STX2: variants seen among roughly 807,000 people sequenced by gnomAD.
STX2 encodes the protein syntaxin-2.
In STX2, 27 loss-of-function variants were observed where a neutral mutation model predicts 40.6. That is an observed-to-expected ratio of 0.66 (90% CI 0.49 to 0.92). The LOEUF (loss-of-function observed/expected upper bound fraction) is 0.92, where lower values mean the gene tolerates loss of function less well. Ranked by LOEUF, STX2 falls within the 40% of genes least tolerant of loss-of-function variation. The pLI is 0.00. For missense variants in STX2, 328 were observed against 366.1 expected (o/e 0.90, Z 0.85); for synonymous variants, 123 against 119.1 (o/e 1.03, Z -0.22).
chr12:130,821,682 AACTT>A lies in STX2; in HGVS notation c.205+3_205+6del. ...CAAACGTTTTGTTGTGAAAACCAAC[AACTT>A]ACTTCCTTCCGGGTTTGGTGCAGAA... On this transcript the variant is annotated splice_donor_5th_base_variant and intron_variant, in intron 3 of 10. Coordinates refer to ENST00000392373, the MANE Select transcript of STX2 (RefSeq NM_194356.4). The A allele has an allele frequency of 6.2e-7, 1 of 1,612,116 alleles. No homozygotes were observed. The highest frequency in any genetic ancestry group is 8.5e-7 in the Non-Finnish European group (1 of 1,178,154).
intron 3 of STX2, among the ~76,000 whole-genome samples, chr12:130,816,413 C>T (rs553919100): frequency 1.3e-5 from 2 of 152,294 alleles, no homozygotes; most frequent in South Asian, 4.1e-4. Flanking sequence ...CACTACAGGC[C>T]CACGGGGCTT....
chr12:130,815,352 C>T (rs1373370965), intron 3 of STX2, among the ~76,000 whole-genome samples: 1 of 152,188 alleles, frequency 6.6e-6, no homozygotes, highest in Non-Finnish European at 1.5e-5. Context: ...AACTGGCCTC[C>T]ATCCTCCTGT....
At chr12:130,805,551 A>G (rs1389408642) in intron 6 of STX2, among the ~76,000 whole-genome samples, 1 of 152,192 alleles carries the variant, frequency 6.6e-6, no homozygotes, top group Non-Finnish European at 1.5e-5. Flanking sequence ...AGTGCTGACC[A>G]GCATGCCAGA....
chr12:130,807,897 A>G (rs1418251353), intron 5 of STX2, among the ~76,000 whole-genome samples: 3 of 152,192 alleles, frequency 2.0e-5, no homozygotes, highest in Admixed American at 1.3e-4. Flanking sequence ...AGATGGCTGC[A>G]GTGACAGAAG....
At chr12:130,794,758 T>C (rs59312647) in intron 10 of STX2, among the ~76,000 whole-genome samples, 7,788 of 152,212 alleles carry the variant, frequency 0.051, 609 homozygotes, top group African/African-American at 0.17. Context: ...GACTTAACCA[T>C]GCTCGTGATT....
chr12:130,809,623 C>T (rs962900290), intron 4 of STX2, among the ~76,000 whole-genome samples: 3 of 152,098 alleles, frequency 2.0e-5, no homozygotes, highest in African/African-American at 4.8e-5. Flanking sequence ...TCGAGACCAG[C>T]GTGGCCAACA....
chr12:130,808,343 C>T (rs982089182), intron 5 of STX2, among the ~76,000 whole-genome samples: 1 of 152,120 alleles, frequency 6.6e-6, no homozygotes, highest in Non-Finnish European at 1.5e-5. Flanking sequence ...CTCTCCTGCC[C>T]GCTCTTTCCC....
At chr12:130,831,982 T>C (rs73459512) in intron 1 of STX2, among the ~76,000 whole-genome samples, 16,458 of 151,698 alleles carry the variant, frequency 0.11, 1,162 homozygotes, top group Non-Finnish European at 0.14. Flanking sequence ...GTGATCCCTT[T>C]GCCTCAGCCT....
chr12:130,821,590 CCT>C, intron 3 of STX2, 97 bp downstream of exon 3: 3 of 977,954 alleles, frequency 3.1e-6, no homozygotes, highest in Non-Finnish European at 4.8e-6. Context: ...TACAAACTCC[CCT>C]GAATCTCCCG....
At chr12:130,837,368 T>A (rs1952785060) in intron 1 of STX2, among the ~76,000 whole-genome samples, 1 of 152,090 alleles carries the variant, frequency 6.6e-6, no homozygotes, top group Non-Finnish European at 1.5e-5. Context: ...ATCTCGGCTT[T>A]CTGCAACCTC....
At chr12:130,815,891 T>C (rs1951840306) in intron 3 of STX2, among the ~76,000 whole-genome samples, 1 of 152,188 alleles carries the variant, frequency 6.6e-6, no homozygotes, top group Non-Finnish European at 1.5e-5. Flanking sequence ...TTTTTTAAAA[T>C]CATGGAGGTA....
intron 1 of STX2, among the ~76,000 whole-genome samples, chr12:130,832,899 GCTTT>G (rs1204307916): frequency 6.6e-6 from 1 of 152,160 alleles, no homozygotes; most frequent in Non-Finnish European, 1.5e-5. Flanking sequence ...GTCCACAGCC[GCTTT>G]CTTATCCACA....
chr12:130,795,892 G>A, intron 10 of STX2, 103 bp downstream of exon 10: 1 of 1,387,192 alleles, frequency 7.2e-7, no homozygotes, highest in Non-Finnish European at 9.5e-7. Context: ...TGTACTGCGT[G>A]GCTGGCAAGC....
chr12:130,795,612 C>T (rs1973834), intron 10 of STX2, among the ~76,000 whole-genome samples: 85,336 of 152,010 alleles, frequency 0.56, 26,388 homozygotes, highest in East Asian at 0.87. Flanking sequence ...TGCTGGTGCA[C>T]GTCTGTAGTC....
intron 4 of STX2, chr12:130,812,266 T>C (rs1347109019): frequency 7.1e-6 from 3 of 424,550 alleles, no homozygotes; most frequent in Non-Finnish European, 1.4e-5. Context: ...TAGATATAAT[T>C]GTGGTTGTGC....
intron 4 of STX2, among the ~76,000 whole-genome samples, chr12:130,811,470 A>G (rs944374542): frequency 6.6e-6 from 1 of 150,872 alleles, no homozygotes; most frequent in Non-Finnish European, 1.5e-5. Flanking sequence ...AGAATGTTAT[A>G]TCTTATTTAA....
intron 9 of STX2, among the ~76,000 whole-genome samples, chr12:130,798,030 T>C (rs1487515909): frequency 1.3e-5 from 2 of 152,198 alleles, no homozygotes; most frequent in East Asian, 1.9e-4. Flanking sequence ...GGCGGATCAC[T>C]TGAGGTCACG....
intron 6 of STX2, 90 bp downstream of exon 6, chr12:130,806,892 G>A: frequency 8.2e-7 from 1 of 1,218,426 alleles, no homozygotes; most frequent in Non-Finnish European, 1.2e-6. Flanking sequence ...AATAGACATG[G>A]ATTTCCTTTT....
chr12:130,797,819 T>A (rs897338861), intron 9 of STX2, among the ~76,000 whole-genome samples: 52 of 152,236 alleles, frequency 3.4e-4, no homozygotes, highest in Non-Finnish European at 7.3e-5. Context: ...GTTCCCTTCT[T>A]TTGAGGATCC....
Sources: allele counts gnomAD v4.1 joint callset (sites outside exome capture counted in the v4.1 genomes callset), GRCh38; gene constraint gnomAD v4.1.1; transcripts MANE v1.5; gene names NCBI Gene and HGNC (gene_info 2026-07-23, HGNC 2026-07-21).